MAP3K20: variants seen among roughly 807,000 people sequenced by gnomAD.
MAP3K20 encodes the protein HCCS-4.
In MAP3K20, 40 loss-of-function variants were observed where a neutral mutation model predicts 85.7. The ratio of observed to expected loss-of-function variants is 0.47; its 90% CI spans 0.36 to 0.61. The LOEUF (loss-of-function observed/expected upper bound fraction) is 0.61. MAP3K20 is among the 20% of genes least tolerant of loss of function. The probability of loss-of-function intolerance (pLI) is 0.00; values close to 1 mark genes in which losing one functional copy is unlikely to be tolerated. For missense variants in MAP3K20, 817 were observed against 961.7 expected (o/e 0.85, Z 1.99); for synonymous variants, 325 against 327.7 (o/e 0.99, Z 0.09).
intron 1 of MAP3K20, among the ~76,000 whole-genome samples, chr2:173,088,280 T>C (rs1372898566): frequency 6.6e-6 from 1 of 152,222 alleles, no homozygotes; most frequent in Non-Finnish European, 1.5e-5. Flanking sequence ...CTGCTGGGAA[T>C]AATGTTTACT....
At chr2:173,253,681 A>G (rs1685092683) in intron 16 of MAP3K20, among the ~76,000 whole-genome samples, 1 of 152,172 alleles carries the variant, frequency 6.6e-6, no homozygotes, top group East Asian at 1.9e-4. Context: ...TTTGCTTTTG[A>G]GAGTTGTTCA....
At chr2:173,147,598 C>CT (rs907849135) in intron 2 of MAP3K20, among the ~76,000 whole-genome samples, 4 of 151,244 alleles carry the variant, frequency 2.6e-5, no homozygotes, top group Non-Finnish European at 5.9e-5. Context: ...CCTTTTTTTT[C>CT]TTTTTTTGAG....
At chr2:173,238,559 C>A in intron 15 of MAP3K20, 124 bp downstream of exon 15, 2 of 838,232 alleles carry the variant, frequency 2.4e-6, no homozygotes, top group Non-Finnish European at 3.8e-6. Context: ...TCATATCTGT[C>A]TAACAAAAGG....
chr2:173,214,462 G>T (rs773385377), intron 10 of MAP3K20: 2 of 152,134 alleles, frequency 1.3e-5, no homozygotes, highest in Non-Finnish European at 2.9e-5. Flanking sequence ...TGTGTTTCCC[G>T]TGGTGACCAA....
chr2:173,133,451 G>A, intron 2 of MAP3K20, among the ~76,000 whole-genome samples: 1 of 152,188 alleles, frequency 6.6e-6, no homozygotes. Context: ...TGTGGCATCT[G>A]TCATACATTA....
At chr2:173,114,039 A>G (rs938014946) in intron 2 of MAP3K20, among the ~76,000 whole-genome samples, 6 of 152,018 alleles carry the variant, frequency 3.9e-5, no homozygotes, top group East Asian at 1.9e-4. Flanking sequence ...TCTTAGGTCT[A>G]TTAGTATTTG....
intron 2 of MAP3K20, among the ~76,000 whole-genome samples, chr2:173,103,944 C>T (rs1234147367): frequency 6.6e-6 from 1 of 152,068 alleles, no homozygotes; most frequent in Non-Finnish European, 1.5e-5. Flanking sequence ...GTATTTATTA[C>T]ATGCTAGGTA....
At chr2:173,128,131 G>T (rs1192343041) in intron 2 of MAP3K20, among the ~76,000 whole-genome samples, 1 of 152,000 alleles carries the variant, frequency 6.6e-6, no homozygotes, top group Non-Finnish European at 1.5e-5. Flanking sequence ...TTCTTGAAAT[G>T]ATTTCAATAA....
At position 173,266,077 on chromosome 2, in the gene MAP3K20, T is replaced by A; in HGVS notation, c.1730T>A (p.Leu577Gln). 1 of 1,586,432 alleles carries A rather than the reference T, an allele frequency of 6.3e-7. No homozygotes were observed. The highest frequency in any genetic ancestry group is 8.6e-7 in the Non-Finnish European group (1 of 1,164,854). Residue 577 changes from leucine (L) to glutamine (Q), a missense_variant, in exon 20 of 20, where the codon CTG becomes CAG. This residue lies in a region of MAP3K20 where 454 missense variants were observed against 476.9 expected (regional missense o/e 0.95). Coordinates refer to ENST00000375213, the MANE Select transcript of MAP3K20 (RefSeq NM_016653.3). ...GCTGATTGCCAGTGGTTAGATACTC[T>A]GAGGATGCGGCAGATTGCATCCAAC... The part of the protein sequence containing the change: ...SSADCQWLDT[L>Q]RMRQIASNTS...
intron 2 of MAP3K20, among the ~76,000 whole-genome samples, chr2:173,093,101 A>C (rs1687348534): frequency 6.6e-6 from 1 of 152,238 alleles, no homozygotes; most frequent in Non-Finnish European, 1.5e-5. Flanking sequence ...CTGGAATAAC[A>C]TGAGTTTAAG....
chr2:173,212,118 C>T (rs1306128640), intron 10 of MAP3K20: 1 of 152,084 alleles, frequency 6.6e-6, no homozygotes, highest in East Asian at 1.9e-4. Context: ...TGATATTATA[C>T]AAGAGAATAT....
chr2:173,214,831 T>C (rs1306061481), intron 10 of MAP3K20, among the ~76,000 whole-genome samples: 2 of 152,200 alleles, frequency 1.3e-5, no homozygotes, highest in Non-Finnish European at 2.9e-5. Context: ...ACAAATGCAT[T>C]TGATGCACAA....
At chr2:173,170,793 T>G (rs1340417355) in intron 3 of MAP3K20, among the ~76,000 whole-genome samples, 1 of 152,222 alleles carries the variant, frequency 6.6e-6, no homozygotes, top group East Asian at 1.9e-4. Context: ...AGTAAGAAAC[T>G]ACATCTCTAA....
At chr2:173,247,082 G>C (rs912739681) in intron 16 of MAP3K20, among the ~76,000 whole-genome samples, 2 of 152,124 alleles carry the variant, frequency 1.3e-5, no homozygotes, top group African/African-American at 4.8e-5. Context: ...TCCCTCTCCT[G>C]CCTTCCACCC....
intron 16 of MAP3K20, among the ~76,000 whole-genome samples, chr2:173,253,791 G>A (rs550351271): frequency 6.6e-6 from 1 of 152,276 alleles, no homozygotes; most frequent in East Asian, 1.9e-4. Flanking sequence ...ACCTGGGCCA[G>A]GTGCAGTTGC....
intron 1 of MAP3K20, among the ~76,000 whole-genome samples, chr2:173,084,898 CA>C (rs1304129272): frequency 6.6e-6 from 1 of 152,170 alleles, no homozygotes; most frequent in Non-Finnish European, 1.5e-5. Context: ...GTGCCTTGCC[CA>C]AGTAGCTAAT....
Position 173,266,205 on chromosome 2 carries a change from G to A in MAP3K20, c.1858G>A (p.Val620Met), listed in dbSNP as rs763598631. 6 of 1,613,858 alleles carry A rather than the reference G, an allele frequency of 3.7e-6. No individual in the cohort carries two copies. In the South Asian group the frequency reaches 4.4e-5, roughly 12 times the overall value. The change falls in exon 20 of 20, where the codon GTG becomes ATG. Residue 620 changes from valine to methionine, a missense_variant. Val to Met is a conservative substitution (Grantham distance 21). Transcript: ENST00000375213. ...CGCTGCTGCTGTGAGACGGCCCCAG[G>A]TGCCCATTAAGTATCAACAGATTAC... ...SYAAAVRRPQ[V>M]PIKYQQITPV...
chr2:173,171,880 T>A (rs3769179), intron 3 of MAP3K20, among the ~76,000 whole-genome samples: 31,494 of 152,188 alleles, frequency 0.21, 4,251 homozygotes, highest in East Asian at 0.57. Flanking sequence ...ATTGTATATT[T>A]ATAGCTCTCT....
intron 10 of MAP3K20, among the ~76,000 whole-genome samples, chr2:173,213,150 A>G (rs1683964621): frequency 6.6e-6 from 1 of 152,196 alleles, no homozygotes; most frequent in Non-Finnish European, 1.5e-5. Flanking sequence ...TTTTATTTGT[A>G]TATCTTTATT....
Sources: allele counts gnomAD v4.1 joint callset (sites outside exome capture counted in the v4.1 genomes callset), GRCh38; gene constraint gnomAD v4.1.1; regional missense constraint gnomAD v4.1.1; transcripts MANE v1.5; gene names NCBI Gene and HGNC (gene_info 2026-07-23, HGNC 2026-07-21).